CSMD3: variants seen among roughly 807,000 people sequenced by gnomAD.
The protein encoded by CSMD3 is CUB and Sushi multiple domains 3, also known as CUB and sushi domain-containing protein 3.
Under a neutral mutation model 435.2 loss-of-function variants are expected in CSMD3, and 177 were observed. That is an observed-to-expected ratio of 0.41 (90% CI 0.36 to 0.46). The LOEUF (loss-of-function observed/expected upper bound fraction) is 0.46. Among genes scored for constraint, CSMD3 ranks in the 20% least tolerant of loss-of-function variants. The probability of loss-of-function intolerance (pLI) is 0.34; values close to 1 mark genes in which losing one functional copy is unlikely to be tolerated. For synonymous variants in CSMD3, 1,656 were observed against 1,520.5 expected (o/e 1.09, Z -2.07); for missense variants, 4,265 against 4,504.6 (o/e 0.95, Z 1.52).
chr8:112,672,831 C>G (rs183533622), intron 16 of CSMD3, among the ~76,000 whole-genome samples: 1 of 152,118 alleles, frequency 6.6e-6, no homozygotes, highest in Non-Finnish European at 1.5e-5. Context: ...AGAAAGGATA[C>G]ATTCAAAGAA....
At chr8:112,575,303 T>G (rs547997535) in intron 23 of CSMD3, among the ~76,000 whole-genome samples, 1 of 152,062 alleles carries the variant, frequency 6.6e-6, no homozygotes, top group Non-Finnish European at 1.5e-5. Context: ...ATGGAATCTA[T>G]AGACTCACGT....
intron 5 of CSMD3, among the ~76,000 whole-genome samples, chr8:113,026,565 G>T (rs2086884215): frequency 6.6e-6 from 1 of 152,066 alleles, no homozygotes; most frequent in Admixed American, 6.5e-5. Flanking sequence ...TTCTTTAACA[G>T]GGCTGTTATA....
chr8:112,387,463 TTA>T lies in CSMD3; in HGVS notation c.5934+3199_5934+3200del, dbSNP rs1447858304. ...TGAAGTTTCAAATGTAAGTCATATA[TTA>T]TGTGTGTGTGTGTGTGTGTGTGTGT... On this transcript the variant is annotated intron_variant, in intron 36 of 70. Transcript: ENST00000297405. 4.4e-4 allele frequency among the ~76,000 whole-genome samples: 38 copies of T among 87,216 alleles called. No individual in the cohort carries two copies. In the East Asian group the frequency reaches 0.01, roughly 24 times the overall value. The allele number at this position is 87,216 out of a possible 152,430, so 57.2% of individuals were successfully genotyped here. A position where few individuals can be genotyped will look rare whatever the true frequency, so the allele number is the denominator to read the frequency against.
At chr8:112,713,592 C>CA (rs2076657755) in intron 13 of CSMD3, among the ~76,000 whole-genome samples, 1 of 151,946 alleles carries the variant, frequency 6.6e-6, no homozygotes, top group Non-Finnish European at 1.5e-5. Flanking sequence ...TAAGGTACTA[C>CA]ATGAGAAGAT....
In CSMD3 at chr8:112,228,798, G is replaced by A. The variant is rs1248943759; in HGVS notation, c.10922C>T (p.Ala3641Val). The change falls in exon 70 of 71, where the codon GCA becomes GTA. Residue 3641 changes from alanine (A) to valine (V), a missense_variant. This residue lies in a region of CSMD3 where 3,255 missense variants were observed against 3,380.2 expected (regional missense o/e 0.96). Transcript: ENST00000297405. The part of the protein sequence containing the change: ...VAIAILVPFF[A>V]LIFAGFGFYL... The stretch of plus-strand genomic sequence containing the variant: ...AAATCCAAATCCTGCAAATATAAGT[G>A]CAAAAAAAGGCACAAGAATAGCAAT... 2 of 1,581,844 alleles carry A rather than the reference G, an allele frequency of 1.3e-6. No individual in the cohort carries two copies. Among genetic ancestry groups the A allele is most frequent in the African/African-American group, 1.4e-5 (1 of 73,990 alleles).
intron 4 of CSMD3, among the ~76,000 whole-genome samples, chr8:113,156,410 C>T (rs2091929303): frequency 6.6e-6 from 1 of 152,008 alleles, no homozygotes; most frequent in East Asian, 1.9e-4. Context: ...AAATATCTGT[C>T]TTCTTTACCA....
chr8:112,593,454 G>A (rs1210351678), intron 22 of CSMD3, among the ~76,000 whole-genome samples: 1 of 152,166 alleles, frequency 6.6e-6, no homozygotes, highest in Non-Finnish European at 1.5e-5. Context: ...AGAAGACAAT[G>A]AGTGGCTTTG....
intron 14 of CSMD3, among the ~76,000 whole-genome samples, chr8:112,686,902 T>C (rs1338615359): frequency 1.3e-5 from 2 of 152,176 alleles, no homozygotes; most frequent in Non-Finnish European, 2.9e-5. Flanking sequence ...TTTATACTTA[T>C]TAGTTAAAAC....
Position 113,436,832 on chromosome 8 carries a change from T to A in CSMD3, c.23A>T (p.Glu8Val), listed in dbSNP as rs2094709698. 6.2e-7 allele frequency: 1 copy of A among 1,614,098 alleles called. No individual in the cohort carries two copies. Among genetic ancestry groups the A allele is most frequent in the East Asian group, 2.2e-5 (1 of 44,878 alleles). The change falls in exon 1 of 71, where the codon GAA (glutamate) becomes GTA (valine). Residue 8 changes from glutamate to valine, a missense_variant. Around this residue, in one of 3 missense-constraint regions of CSMD3, gnomAD observed 731 missense variants for 755.4 expected, o/e 0.97. Transcript: ENST00000297405. ...GGGTTTGGATTCCTTTGCTCGGCTT[T>A]CCCCTTTGCGGATCCCTTTCATATT... MKGIRKG[E>V]SRAKESKPWE...
intron 31 of CSMD3, among the ~76,000 whole-genome samples, chr8:112,485,940 C>CTTTTT (rs549602181): frequency 2.5e-4 from 35 of 139,146 alleles, no homozygotes; most frequent in African/African-American, 8.4e-4. Flanking sequence ...TGACTTAAAT[C>CTTTTT]TTTTTTTTTT....
chr8:112,504,076 G>C (rs1443525705), intron 29 of CSMD3, 99 bp from the exon 30 acceptor site: 1 of 714,348 alleles, frequency 1.4e-6, no homozygotes, highest in African/African-American at 1.8e-5. Context: ...CATTAATTCA[G>C]TGCTTAAAAA....
At chr8:112,634,999 A>C (rs1170350902) in intron 22 of CSMD3, among the ~76,000 whole-genome samples, 2 of 151,998 alleles carry the variant, frequency 1.3e-5, no homozygotes, top group Non-Finnish European at 2.9e-5. Flanking sequence ...TGGAAGAGAT[A>C]ATAATATCAG....
intron 32 of CSMD3, among the ~76,000 whole-genome samples, chr8:112,441,112 C>T (rs1159365045): frequency 6.6e-6 from 1 of 152,158 alleles, no homozygotes; most frequent in African/African-American, 2.4e-5. Context: ...CCCTTGAATG[C>T]TTTGCTGCTT....
intron 38 of CSMD3, among the ~76,000 whole-genome samples, chr8:112,372,994 T>A (rs915783980): frequency 1.7e-5 from 2 of 116,836 alleles, no homozygotes; most frequent in Non-Finnish European, 3.9e-5. Context: ...TATTTATATT[T>A]TATATATAAA....
chr8:113,370,123 T>A (rs1359471773), intron 1 of CSMD3, among the ~76,000 whole-genome samples: 1 of 151,616 alleles, frequency 6.6e-6, no homozygotes, highest in Non-Finnish European at 1.5e-5. Context: ...ATTTCATAAT[T>A]ACACAATGTA....
chr8:113,080,422 C>T (rs1350077049), intron 5 of CSMD3, among the ~76,000 whole-genome samples: 1 of 152,050 alleles, frequency 6.6e-6, no homozygotes, highest in East Asian at 1.9e-4. Flanking sequence ...TATGAGCCTA[C>T]CACAGACGAA....
chr8:112,740,094 A>C (rs184061518), intron 13 of CSMD3, among the ~76,000 whole-genome samples: 130 of 151,914 alleles, frequency 8.6e-4, no homozygotes, highest in African/African-American at 3.0e-3. Context: ...CATTTCCAAA[A>C]TATCTGTATA....
chr8:113,207,412 C>A (rs150493826), intron 3 of CSMD3, among the ~76,000 whole-genome samples: 1 of 147,052 alleles, frequency 6.8e-6, no homozygotes, highest in Non-Finnish European at 1.5e-5. Context: ...GATGGATCCT[C>A]GCTCTGTCAC....
At chr8:112,405,174 ACTCT>A (rs1417067980) in intron 35 of CSMD3, among the ~76,000 whole-genome samples, 1 of 102,506 alleles carries the variant, frequency 9.8e-6, no homozygotes, top group Admixed American at 1.4e-4. Context: ...ACACAGCAAG[ACTCT>A]CTCTCAAAAA....
Sources: allele counts gnomAD v4.1 joint callset (sites outside exome capture counted in the v4.1 genomes callset), GRCh38; gene constraint gnomAD v4.1.1; regional missense constraint gnomAD v4.1.1; transcripts MANE v1.5; gene names NCBI Gene and HGNC (gene_info 2026-07-23, HGNC 2026-07-21).